Variants in EXOC6 observed in about 807,000 individuals in gnomAD.
EXOC6 encodes SEC15-like 1.
EXOC6 carries 60 observed loss-of-function variants against 112.5 expected under a neutral mutation model. That is an observed-to-expected ratio of 0.53 (90% confidence interval 0.43 to 0.66). The LOEUF (loss-of-function observed/expected upper bound fraction) is 0.66. Among genes scored for constraint, EXOC6 ranks in the 30% least tolerant of loss-of-function variants. EXOC6 has a pLI of 0.00. For missense variants in EXOC6, 855 were observed against 957.1 expected (o/e 0.89, Z 1.41); for synonymous variants, 295 against 308.0 (o/e 0.96, Z 0.44).
intron 13 of EXOC6, among the ~76,000 whole-genome samples, chr10:92,947,777 C>T (rs534321707): frequency 6.6e-5 from 10 of 152,202 alleles, no homozygotes; most frequent in East Asian, 3.9e-4. Context: ...TGGTGGCACG[C>T]GCCTGTAGTC....
chr10:92,944,347 C>T (rs747071685), intron 13 of EXOC6, among the ~76,000 whole-genome samples: 17 of 152,016 alleles, frequency 1.1e-4, no homozygotes, highest in Admixed American at 2.0e-4. Context: ...AGTGAGTCTC[C>T]TGCCTCAGCC....
intron 1 of EXOC6, among the ~76,000 whole-genome samples, chr10:92,887,305 CA>C (rs1248543592): frequency 6.6e-6 from 1 of 151,432 alleles, no homozygotes; most frequent in African/African-American, 2.4e-5. Flanking sequence ...GCCTTATTAG[CA>C]AATTTCTAGA....
At chr10:92,829,464 T>C (rs1170862556) in intron 1 of EXOC6, among the ~76,000 whole-genome samples, 2 of 152,188 alleles carry the variant, frequency 1.3e-5, no homozygotes, top group Non-Finnish European at 2.9e-5. Flanking sequence ...TTGATTTCCT[T>C]GGCATGAGGC....
At chr10:92,942,371 C>T (rs1055834757) in intron 13 of EXOC6, among the ~76,000 whole-genome samples, 2 of 152,190 alleles carry the variant, frequency 1.3e-5, no homozygotes, top group Middle Eastern at 3.4e-3. Flanking sequence ...CTCCAGCCTG[C>T]ACAAAAGGGC....
At chr10:92,932,040 G>A (rs1852067674) in intron 9 of EXOC6, among the ~76,000 whole-genome samples, 1 of 152,150 alleles carries the variant, frequency 6.6e-6, no homozygotes, top group African/African-American at 2.4e-5. Flanking sequence ...CTGAATGTCT[G>A]TGAACTAGTG....
intron 19 of EXOC6, among the ~76,000 whole-genome samples, chr10:93,004,950 G>A (rs553545458): frequency 1.3e-5 from 2 of 152,140 alleles, no homozygotes; most frequent in African/African-American, 4.8e-5. Context: ...TTCAAAGGCA[G>A]TTAAATGTTA....
intron 1 of EXOC6, among the ~76,000 whole-genome samples, chr10:92,861,651 T>C (rs901606506): frequency 2.0e-5 from 3 of 152,144 alleles, no homozygotes; most frequent in Admixed American, 2.0e-4. Context: ...CCTTCTCAGC[T>C]ACTGCCACTG....
chr10:92,887,969 G>T (rs1397510310), intron 1 of EXOC6, among the ~76,000 whole-genome samples: 3 of 152,106 alleles, frequency 2.0e-5, no homozygotes, highest in East Asian at 3.9e-4. Context: ...ACACGTGGGG[G>T]TATCAGCTGT....
intron 8 of EXOC6, among the ~76,000 whole-genome samples, chr10:92,927,355 C>A (rs992298826): frequency 3.9e-5 from 6 of 152,010 alleles, no homozygotes; most frequent in African/African-American, 1.5e-4. Flanking sequence ...ATTCACTTAC[C>A]TAATATTTAT....
intron 18 of EXOC6, among the ~76,000 whole-genome samples, chr10:92,991,553 G>A (rs1330963975): frequency 1.3e-5 from 2 of 151,994 alleles, no homozygotes; most frequent in Non-Finnish European, 2.9e-5. Context: ...GCCTTCTAAG[G>A]CCATACTCAA....
intron 9 of EXOC6, among the ~76,000 whole-genome samples, chr10:92,933,873 A>G (rs1852199752): frequency 6.6e-6 from 1 of 152,168 alleles, no homozygotes; most frequent in African/African-American, 2.4e-5. Context: ...ACATAGTCAA[A>G]GTAGAGGTGA....
chr10:92,846,116 A>G (rs1042677457), upstream of EXOC6, among the ~76,000 whole-genome samples: 2 of 152,238 alleles, frequency 1.3e-5, no homozygotes, highest in Admixed American at 1.3e-4. Flanking sequence ...TGTTCACTTG[A>G]ATTTCGGGGA....
intron 1 of EXOC6, among the ~76,000 whole-genome samples, chr10:92,873,664 A>G (rs1251537416): frequency 1.3e-5 from 2 of 152,330 alleles, no homozygotes; most frequent in East Asian, 3.9e-4. Flanking sequence ...ACGAGCACAT[A>G]TAGCAAACTA....
chr10:92,943,386 A>G (rs1322888285), intron 13 of EXOC6, among the ~76,000 whole-genome samples: 3 of 152,148 alleles, frequency 2.0e-5, no homozygotes, highest in African/African-American at 4.8e-5. Context: ...TAAATATTTT[A>G]TAAATAGTGA....
chr10:92,847,664 G>A (rs989755187), upstream of EXOC6, among the ~76,000 whole-genome samples: 1 of 152,004 alleles, frequency 6.6e-6, no homozygotes, highest in Middle Eastern at 3.2e-3. Context: ...ATGTCATTAA[G>A]CACGACTTTT....
chr10:92,987,926 A>G (rs1431729698), intron 18 of EXOC6, among the ~76,000 whole-genome samples: 6 of 152,208 alleles, frequency 3.9e-5, no homozygotes, highest in Admixed American at 3.3e-4. Context: ...CCTCATCTGT[A>G]AAATGAGGTA....
At chr10:93,034,449 T>C (rs572131951) in intron 20 of EXOC6, among the ~76,000 whole-genome samples, 148 of 152,268 alleles carry the variant, frequency 9.7e-4, no homozygotes, top group Non-Finnish European at 1.8e-3. Context: ...GATTATAAGG[T>C]TTAGGAAAGA....
intron 20 of EXOC6, among the ~76,000 whole-genome samples, chr10:93,039,372 A>C (rs1845662222): frequency 6.6e-6 from 1 of 152,096 alleles, no homozygotes; most frequent in Admixed American, 6.5e-5. Context: ...ATTACCTTCA[A>C]ATTGTGATTC....
At chr10:93,036,951 A>C in intron 20 of EXOC6, among the ~76,000 whole-genome samples, 1 of 152,082 alleles carries the variant, frequency 6.6e-6, no homozygotes, top group East Asian at 1.9e-4. Flanking sequence ...TCTTTTTTTC[A>C]CTGAAAGGGA....
Sources: gnomAD v4.1 joint callset for allele counts (sites outside exome capture counted in the v4.1 genomes callset) on GRCh38, gnomAD v4.1.1 for gene constraint, MANE v1.5 for transcripts, NCBI Gene and HGNC (gene_info 2026-07-23, HGNC 2026-07-21) for gene names.